OR2T6: variants seen among roughly 807,000 people sequenced by gnomAD.
The protein encoded by OR2T6 is olfactory receptor 2T6.
For missense variants in OR2T6, 424 were observed against 391.6 expected, an observed-to-expected ratio of 1.08 and a Z score of -0.70; for synonymous variants, 174 against 148.0, an observed-to-expected ratio of 1.18 and a Z score of -1.27.
intron 1 of OR2T6, among the ~76,000 whole-genome samples, chr1:248,378,223 T>C (rs1209210052): frequency 6.6e-6 from 1 of 152,222 alleles, no homozygotes; most frequent in Non-Finnish European, 1.5e-5. Flanking sequence ...GGTTTCAATT[T>C]GTACTTACAC....
chr1:248,380,890 T>C (rs1213814586), intron 1 of OR2T6, among the ~76,000 whole-genome samples: 1 of 152,062 alleles, frequency 6.6e-6, no homozygotes, highest in Non-Finnish European at 1.5e-5. Context: ...CTTTGTTCCA[T>C]TTATAATATC....
Position 248,388,591 on chromosome 1 carries a change from G to A in OR2T6, c.*56G>A, listed in dbSNP as rs1445610522. 1.5e-6 allele frequency: 2 copies of A among 1,360,224 alleles called. No individual in the cohort carries two copies. The highest frequency in any genetic ancestry group is 2.9e-5 in the African/African-American group (2 of 68,504). 84.3% of individuals were successfully genotyped at this position (1,360,224 alleles called of 1,614,324 possible). Reference sequence around the variant, plus strand: ...TGATGGTCTAAAACCTCCACATCCTGTTCAGGCATATATGGGGTCGTATCA... The same window carrying A: ...TGATGGTCTAAAACCTCCACATCCTATTCAGGCATATATGGGGTCGTATCA... On this transcript the variant is annotated 3_prime_UTR_variant, in exon 3 of 3. Coordinates refer to ENST00000641644, the MANE Select transcript of OR2T6 (RefSeq NM_001005471.2).
chr1:248,388,535 G>T lies in OR2T6; in HGVS notation c.927G>T (p.Ter309TyrextTer11). 8 of 1,556,186 alleles carry T rather than the reference G, an allele frequency of 5.1e-6. No homozygotes were observed. The highest frequency in any genetic ancestry group is 2.5e-5 in the South Asian group (2 of 80,832). The change falls in exon 3 of 3, where the codon TAG becomes TAT. Residue 309 changes from the stop codon to tyrosine, a stop_lost. Transcript: ENST00000641644. ...TGAAGAGAGTTGTGGCAAGATGTTA[G>T]GGGACATGTGGTGTGATGAGGAAAG... ...GALKRVVARC[*>Y]
intron 2 of OR2T6, among the ~76,000 whole-genome samples, chr1:248,386,487 C>CAAA (rs1462296949): frequency 3.3e-5 from 5 of 151,686 alleles, no homozygotes; most frequent in African/African-American, 1.2e-4. Flanking sequence ...CAACACTAAG[C>CAAA]AAAAACAAAA....
In OR2T6 at chr1:248,388,063, G is replaced by A. The variant is rs1020868114; in HGVS notation, c.455G>A (p.Gly152Glu). 62 of 1,613,848 alleles carry A rather than the reference G, an allele frequency of 3.8e-5. No individual in the cohort carries two copies. The highest frequency in any genetic ancestry group is 5.2e-5 in the Non-Finnish European group (61 of 1,180,002). The change falls in exon 3 of 3, where the codon GGG becomes GAG. Residue 152 changes from glycine (G) to glutamate (E), a missense_variant. Gly to Glu is a moderately conservative substitution (Grantham distance 98). Transcript: ENST00000641644. ...WMILASSWFG[G>E]ALDSFLLTPI... is the part of the protein sequence containing the mutation. ...ATCCTGGCCAGCTCTTGGTTCGGTG[G>A]GGCTTTGGACAGTTTTCTCCTCACC... is the stretch of plus-strand genomic sequence containing the variant.
In OR2T6 at chr1:248,379,143, C is replaced by T. The variant is rs575187667; in HGVS notation, c.-159+3089C>T. Among the ~76,000 whole-genome samples the T allele has an allele frequency of 1.6e-4, 25 of 152,100 alleles. No homozygotes were observed. The East Asian group carries it at 2.3e-3, about 14-fold the overall frequency. On this transcript the variant is annotated intron_variant, in intron 1 of 2. Coordinates refer to ENST00000641644, the MANE Select transcript of OR2T6 (RefSeq NM_001005471.2). ...TGAGCAGTGATCGTGCCACTGTGCT[C>T]CAGCCCGAGGAACAGAGCAAGTTCC...
At position 248,381,865 on chromosome 1, in the gene OR2T6, A is replaced by T. The variant is rs1395454284; in HGVS notation, c.-158-2846A>T. ...CTGTATCTTACTGTTTATCCCCCCT[A>T]ATTTATCTCAGAATGTCTTCCTGTT... On this transcript the variant is annotated intron_variant, in intron 1 of 2. Coordinates refer to ENST00000641644, the MANE Select transcript of OR2T6 (RefSeq NM_001005471.2). Among the ~76,000 whole-genome samples, 8 of 148,012 alleles carry T rather than the reference A, an allele frequency of 5.4e-5. No individual in the cohort carries two copies. The Admixed American group carries it at 5.4e-4, about 10-fold the overall frequency.
chr1:248,388,120 C>T lies in OR2T6; in HGVS notation c.512C>T (p.Ser171Phe). The T allele has an allele frequency of 1.2e-6, 2 of 1,614,040 alleles. No individual in the cohort carries two copies. Among genetic ancestry groups the T allele is most frequent in the East Asian group, 2.2e-5 (1 of 44,796 alleles). ...PITMSLPFCA[S>F]HQINHFFCEA... ...ACCATGAGTCTCCCGTTCTGTGCCT[C>T]TCACCAAATCAATCACTTTTTCTGT... The change falls in exon 3 of 3, where the codon TCT (serine) becomes TTT (phenylalanine). Residue 171 changes from serine (S) to phenylalanine (F), a missense_variant. Physicochemically the swap from Ser to Phe is radical, Grantham distance 155. Transcript: ENST00000641644.
chr1:248,388,243 C>T lies in OR2T6; in HGVS notation c.635C>T (p.Ser212Leu), dbSNP rs368468841. Residue 212 changes from serine to leucine, a missense_variant, in exon 3 of 3, where the codon TCG becomes TTG. Ser to Leu is a moderately radical substitution (Grantham distance 145, BLOSUM62 -2). Transcript: ENST00000641644. The part of the protein sequence containing the change: ...CCVAMLLIPF[S>L]VVTASYTRIL... ...GTTGCAATGCTGCTGATCCCCTTCT[C>T]GGTGGTGACTGCATCCTACACCAGG... 1.7e-5 allele frequency: 28 copies of T among 1,614,048 alleles called. No individual in the cohort carries two copies. The highest frequency in any genetic ancestry group is 6.7e-5 in the Admixed American group (4 of 60,016).
chr1:248,387,468 C>A, intron 2 of OR2T6, 137 bp from the exon 3 acceptor site: 3 of 469,610 alleles, frequency 6.4e-6, no homozygotes, highest in Non-Finnish European at 7.3e-6. Flanking sequence ...ACAAATCTAC[C>A]ACACCAAAAA....
chr1:248,385,289 A>C (rs1661119307), intron 2 of OR2T6, among the ~76,000 whole-genome samples: 1 of 152,178 alleles, frequency 6.6e-6, no homozygotes, highest in Non-Finnish European at 1.5e-5. Context: ...CAAGATTTTT[A>C]ATTTTCAGTA....
Position 248,388,874 on chromosome 1 carries a change from T to C in OR2T6, c.*339T>C, listed in dbSNP as rs1215828660. 1 of 279,950 alleles carries C rather than the reference T, an allele frequency of 3.6e-6. No homozygotes were observed. The highest frequency in any genetic ancestry group is 6.1e-5 in the East Asian group (1 of 16,276). 17.3% of individuals were successfully genotyped at this position (279,950 alleles called of 1,614,324 possible). A position where few individuals can be genotyped will look rare whatever the true frequency, so the allele number is the denominator to read the frequency against. ...AGTTAATATTACATATTCTGCCCAT[T>C]TTCAATGGCTCCATAAGAACTGGTG... On this transcript the variant is annotated 3_prime_UTR_variant, in exon 3 of 3. Transcript: ENST00000641644.
In OR2T6 at chr1:248,386,719, T is replaced by G. The variant is rs371222258; in HGVS notation, c.-4-886T>G. ...GCAATTCTCTTCCTGAACTGACTTT[T>G]GTTTCCTGACTATCCCAAACTCCTT... On this transcript the variant is annotated intron_variant, in intron 2 of 2. Coordinates refer to ENST00000641644, the MANE Select transcript of OR2T6 (RefSeq NM_001005471.2). Among the ~76,000 whole-genome samples the G allele has an allele frequency of 2.0e-5, 3 of 152,354 alleles. No individual in the cohort carries two copies. In the East Asian group the frequency reaches 5.8e-4, roughly 29 times the overall value.
chr1:248,386,632 CTT>C lies in OR2T6; in HGVS notation c.-4-971_-4-970del, dbSNP rs1470874594. Reference sequence around the variant, plus strand: ...AACACTTAGAAAATAATTCTGTTCTCTTTACCCCGGCCTGCATACCTTGAAGA... The same window carrying C: ...AACACTTAGAAAATAATTCTGTTCTCTACCCCGGCCTGCATACCTTGAAGA... On this transcript the variant is annotated intron_variant, in intron 2 of 2. Coordinates refer to ENST00000641644, the MANE Select transcript of OR2T6 (RefSeq NM_001005471.2). Among the ~76,000 whole-genome samples, 2 of 152,210 alleles carry C rather than the reference CTT, an allele frequency of 1.3e-5. 1 individual carries two copies. Among genetic ancestry groups the C allele is most frequent in the Non-Finnish European group, 2.9e-5 (2 of 68,024 alleles).
intron 2 of OR2T6, among the ~76,000 whole-genome samples, chr1:248,385,149 GCA>G (rs1396217916): frequency 6.6e-6 from 1 of 152,132 alleles, no homozygotes; most frequent in African/African-American, 2.4e-5. Flanking sequence ...AGAAAATCTG[GCA>G]CAGAGACACA....
rs7418152 is a variant in OR2T6, at chr1:248,387,593, T to G, written c.-4-12T>G. 0.19 allele frequency: 290,545 copies of G among 1,514,190 alleles called. 34,488 individuals are homozygous for G. The highest frequency in any genetic ancestry group is 0.47 in the African/African-American group (33,926 of 72,448). The allele number at this position is 1,514,190 out of a possible 1,614,324, so 93.8% of individuals were successfully genotyped here. A position where few individuals can be genotyped will look rare whatever the true frequency, so the allele number is the denominator to read the frequency against. On this transcript the variant is annotated splice_polypyrimidine_tract_variant and intron_variant, in intron 2 of 2. Transcript: ENST00000641644. ...CCCTGCTTCTCTTCTTATGCCTCCA[T>G]TTCAAACTCAGTACCATGAATGAAA... is the stretch of plus-strand genomic sequence containing the variant.
At position 248,387,646 on chromosome 1, in the gene OR2T6, C is replaced by T. The variant is rs780068032; in HGVS notation, c.38C>T (p.Thr13Ile). ...ENNETLTRGF[T>I]LMGLFTHNKC... ...AATGAAACCTTGACCAGAGGCTTTA[C>T]CCTCATGGGGCTCTTCACTCACAAT... The change falls in exon 3 of 3, where the codon ACC becomes ATC. Residue 13 changes from threonine to isoleucine, a missense_variant. Transcript: ENST00000641644. The T allele has an allele frequency of 5.6e-6, 9 of 1,607,484 alleles. No homozygotes were observed. Among genetic ancestry groups the T allele is most frequent in the South Asian group, 3.3e-5 (3 of 90,670 alleles).
chr1:248,383,597 G>A (rs1661080385), intron 1 of OR2T6, among the ~76,000 whole-genome samples: 2 of 119,426 alleles, frequency 1.7e-5, no homozygotes, highest in African/African-American at 8.6e-5. Context: ...ATTGTCATGG[G>A]TAAAGCACTG....
intron 1 of OR2T6, among the ~76,000 whole-genome samples, chr1:248,377,284 A>G (rs1452535850): frequency 1.3e-5 from 2 of 152,264 alleles, no homozygotes; most frequent in East Asian, 3.8e-4. Flanking sequence ...ACAATGCAAT[A>G]TCATAGAAGA....
Sources: gnomAD v4.1 joint callset for allele counts (sites outside exome capture counted in the v4.1 genomes callset) on GRCh38, gnomAD v4.1.1 for gene constraint, MANE v1.5 for transcripts, NCBI Gene and HGNC (gene_info 2026-07-23, HGNC 2026-07-21) for gene names.